Variants in AP2B1 observed in about 807,000 individuals in gnomAD.
AP2B1 encodes AP-2 complex subunit beta.
A neutral mutation model predicts 102.0 loss-of-function variants in AP2B1; 23 were observed. That is an observed-to-expected ratio of 0.23 (90% CI 0.16 to 0.32). AP2B1 has a LOEUF of 0.32. AP2B1 is among the 10% of genes least tolerant of loss of function. The pLI, the probability that AP2B1 is intolerant of heterozygous loss-of-function variation, is 1.00. For synonymous variants in AP2B1, 381 were observed against 421.2 expected, an observed-to-expected ratio of 0.90 and a Z score of 1.17; for missense variants, 541 against 1,157.4, an observed-to-expected ratio of 0.47 and a Z score of 7.73.
chr17:35,645,044 A>G (rs1294714754), intron 12 of AP2B1, among the ~76,000 whole-genome samples: 1 of 149,002 alleles, frequency 6.7e-6, no homozygotes, highest in Non-Finnish European at 1.5e-5. Context: ...AAAAAAAAAA[A>G]GAAAGAAAAA....
intron 5 of AP2B1, chr17:35,621,259 T>G: frequency 1.5e-5 from 15 of 975,808 alleles, no homozygotes; most frequent in Non-Finnish European, 1.8e-5. Flanking sequence ...GTTAGTCTTT[T>G]TCTTTAAGAT....
intron 13 of AP2B1, among the ~76,000 whole-genome samples, chr17:35,657,309 C>G (rs1463395318): frequency 6.6e-6 from 1 of 152,134 alleles, no homozygotes; most frequent in Non-Finnish European, 1.5e-5. Context: ...ATAGAATTCT[C>G]CTTACAGTGT....
At chr17:35,635,129 GC>G (rs2074569906) in intron 9 of AP2B1, among the ~76,000 whole-genome samples, 1 of 152,144 alleles carries the variant, frequency 6.6e-6, no homozygotes, top group Non-Finnish European at 1.5e-5. Context: ...TCGGCTCACT[GC>G]AACCTGTGTG....
chr17:35,721,317 A>G (rs2085384886), intron 21 of AP2B1, among the ~76,000 whole-genome samples: 1 of 152,190 alleles, frequency 6.6e-6, no homozygotes. Flanking sequence ...ATTAGGCAGG[A>G]CAGGGTGACT....
chr17:35,663,479 A>G (rs2142912654), intron 14 of AP2B1, among the ~76,000 whole-genome samples: 1 of 152,228 alleles, frequency 6.6e-6, no homozygotes, highest in East Asian at 1.9e-4. Context: ...CAAAGTTTGT[A>G]CACTTTATAC....
At chr17:35,684,211 G>A in intron 18 of AP2B1, among the ~76,000 whole-genome samples, 1 of 152,190 alleles carries the variant, frequency 6.6e-6, no homozygotes, top group East Asian at 1.9e-4. Flanking sequence ...AAGATACACT[G>A]TGAAGGATAG....
chr17:35,711,476 C>A (rs948174443), intron 20 of AP2B1, among the ~76,000 whole-genome samples: 1 of 148,598 alleles, frequency 6.7e-6, no homozygotes, highest in Admixed American at 6.7e-5. Context: ...CCCCACCCCA[C>A]TCCCCGGCCC....
Position 35,674,184 on chromosome 17 carries a change from A to G in AP2B1, c.2187A>G (p.Leu729=), listed in dbSNP as rs1202320104. ...GGYVAPKAVW[L]PAVKAKGLEI... ...TTTATACTGTGTTTCAGGTCTGGCT[A>G]CCTGCAGTAAAGGCTAAAGGCTTGG... Residue 729 remains leucine (L), a synonymous_variant, in exon 17 of 22, where the codon CTA becomes CTG. Coordinates refer to ENST00000610402, the MANE Select transcript of AP2B1 (RefSeq NM_001030006.2). 11 of 1,614,034 alleles carry G rather than the reference A, an allele frequency of 6.8e-6. No homozygotes were observed. The highest frequency in any genetic ancestry group is 8.5e-6 in the Non-Finnish European group (10 of 1,179,982).
chr17:35,703,633 A>T (rs928496220), intron 18 of AP2B1, among the ~76,000 whole-genome samples: 7 of 152,128 alleles, frequency 4.6e-5, no homozygotes, highest in Non-Finnish European at 8.8e-5. Context: ...AAACGATGAG[A>T]ACACATGGAC....
chr17:35,642,452 G>A (rs892371704), intron 12 of AP2B1, among the ~76,000 whole-genome samples: 3 of 152,058 alleles, frequency 2.0e-5, no homozygotes, highest in African/African-American at 7.2e-5. Context: ...GGAATTATTT[G>A]TTTTTTTAGG....
intron 14 of AP2B1, among the ~76,000 whole-genome samples, chr17:35,662,306 CTT>C (rs144820372): frequency 0.033 from 5,073 of 152,210 alleles, 202 homozygotes; most frequent in East Asian, 0.14. Flanking sequence ...AGCATATTCT[CTT>C]TTGCTTGTAC....
At chr17:35,640,952 TAGAGCCAC>T (rs2074762200) in intron 11 of AP2B1, among the ~76,000 whole-genome samples, 1 of 152,202 alleles carries the variant, frequency 6.6e-6, no homozygotes, top group Non-Finnish European at 1.5e-5. Context: ...CTACCAAAAT[TAGAGCCAC>T]AGAACCAGGA....
intron 9 of AP2B1, among the ~76,000 whole-genome samples, chr17:35,633,872 C>T (rs562087352): frequency 3.3e-5 from 5 of 152,112 alleles, no homozygotes; most frequent in East Asian, 1.9e-4. Flanking sequence ...CTGGGCCAGG[C>T]GCTGTGGCTC....
chr17:35,691,415 T>C (rs1043467802), intron 18 of AP2B1, among the ~76,000 whole-genome samples: 7 of 152,254 alleles, frequency 4.6e-5, no homozygotes, highest in African/African-American at 1.7e-4. Context: ...CCAGAAAAAC[T>C]GGTAGACGCT....
chr17:35,648,472 G>A (rs192808300), intron 12 of AP2B1, among the ~76,000 whole-genome samples: 7 of 152,072 alleles, frequency 4.6e-5, no homozygotes, highest in African/African-American at 9.6e-5. Context: ...GCCGAGATAC[G>A]CCACTGTACT....
chr17:35,653,082 T>A (rs1275850313), intron 13 of AP2B1, among the ~76,000 whole-genome samples: 2 of 152,226 alleles, frequency 1.3e-5, no homozygotes, highest in Non-Finnish European at 2.9e-5. Context: ...TTATTAATCT[T>A]GGTTGTATCA....
chr17:35,694,053 C>G (rs2076091175), intron 18 of AP2B1, among the ~76,000 whole-genome samples: 1 of 152,162 alleles, frequency 6.6e-6, no homozygotes, highest in African/African-American at 2.4e-5. Context: ...AGTTTTACCC[C>G]TGGATTGAAA....
chr17:35,690,037 T>C (rs116035052), intron 18 of AP2B1, among the ~76,000 whole-genome samples: 2,650 of 152,292 alleles, frequency 0.017, 49 homozygotes, highest in African/African-American at 0.048. Context: ...TTCTGCCTCA[T>C]TATGTCTCTT....
chr17:35,619,481 TA>T (rs67575374), intron 5 of AP2B1, among the ~76,000 whole-genome samples: 30 of 148,876 alleles, frequency 2.0e-4, no homozygotes, highest in Non-Finnish European at 1.6e-4. Context: ...TGTTTCTATT[TA>T]AAAAAAAAAC....
Sources: allele counts gnomAD v4.1 joint callset (sites outside exome capture counted in the v4.1 genomes callset), GRCh38; gene constraint gnomAD v4.1.1; transcripts MANE v1.5; gene names NCBI Gene and HGNC (gene_info 2026-07-23, HGNC 2026-07-21).